The following TMTC3 variants were observed in gnomAD, a reference collection of about 807,000 sequenced individuals.
TMTC3 encodes transmembrane O-mannosyltransferase targeting cadherins 3.
In TMTC3, 52 loss-of-function variants were observed where a neutral mutation model predicts 92.2. The observed-to-expected ratio is 0.56, with a 90% CI of 0.45 to 0.71. The LOEUF (loss-of-function observed/expected upper bound fraction) is 0.71. TMTC3 is among the 30% of genes least tolerant of loss of function. The pLI, the probability that TMTC3 is intolerant of heterozygous loss-of-function variation, is 0.00. For missense variants in TMTC3, 896 were observed against 1,057.1 expected (o/e 0.85, Z 2.11); for synonymous variants, 339 against 363.3 (o/e 0.93, Z 0.76).
At chr12:88,190,126 A>T (rs527316254) in intron 11 of TMTC3, among the ~76,000 whole-genome samples, 2 of 152,332 alleles carry the variant, frequency 1.3e-5, no homozygotes, top group Admixed American at 1.3e-4. Context: ...AAAAATGTGA[A>T]TAAAAATATT....
intron 4 of TMTC3, among the ~76,000 whole-genome samples, chr12:88,157,420 T>C (rs963545879): frequency 6.6e-6 from 1 of 152,006 alleles, no homozygotes; most frequent in South Asian, 2.1e-4. Flanking sequence ...TTTGTAAATA[T>C]GGTGATCCAA....
intron 2 of TMTC3, among the ~76,000 whole-genome samples, chr12:88,150,373 C>T (rs1161460524): frequency 6.6e-6 from 1 of 152,160 alleles, no homozygotes; most frequent in South Asian, 2.1e-4. Context: ...CCAATCATTT[C>T]CCACCAGGCC....
chr12:88,180,933 A>G (rs571310858), intron 10 of TMTC3, among the ~76,000 whole-genome samples: 104 of 152,330 alleles, frequency 6.8e-4, no homozygotes, highest in Admixed American at 6.1e-3. Context: ...TTAAAAATTA[A>G]GGGTAAATAA....
At chr12:88,173,843 G>C (rs983538949) in intron 8 of TMTC3, among the ~76,000 whole-genome samples, 1 of 152,016 alleles carries the variant, frequency 6.6e-6, no homozygotes, top group Admixed American at 6.6e-5. Flanking sequence ...AGCCATATAG[G>C]TTATCCAAGA....
At chr12:88,159,308 A>G (rs751434728) in intron 4 of TMTC3, among the ~76,000 whole-genome samples, 1 of 152,208 alleles carries the variant, frequency 6.6e-6, no homozygotes, top group Non-Finnish European at 1.5e-5. Context: ...AATAGAACTT[A>G]TAGTCTATTG....
chr12:88,149,166 T>C (rs1592721337), intron 2 of TMTC3, among the ~76,000 whole-genome samples: 1 of 152,300 alleles, frequency 6.6e-6, no homozygotes, highest in East Asian at 1.9e-4. Flanking sequence ...ATAATAGTTA[T>C]TTAGGTTATA....
At chr12:88,190,716 T>G in intron 12 of TMTC3, 94 bp downstream of exon 12, 1 of 1,365,912 alleles carries the variant, frequency 7.3e-7, no homozygotes, top group Non-Finnish European at 1.0e-6. Flanking sequence ...GAAAAAAAAT[T>G]ATGTTTTTAA....
intron 11 of TMTC3, among the ~76,000 whole-genome samples, chr12:88,189,493 G>A (rs565230616): frequency 7.2e-5 from 11 of 152,224 alleles, no homozygotes; most frequent in African/African-American, 2.6e-4. Flanking sequence ...TTATCAGCAA[G>A]TTAATGACTT....
chr12:88,196,479 A>C lies in TMTC3; in HGVS notation c.*830A>C, dbSNP rs2041514286. The C allele has an allele frequency of 6.6e-6, 1 of 152,042 alleles. No individual in the cohort carries two copies. Among genetic ancestry groups the C allele is most frequent in the South Asian group, 2.1e-4 (1 of 4,830 alleles). The allele number at this position is 152,042 out of a possible 1,614,324, so 9.4% of individuals were successfully genotyped here. ...CATTGAGAAGTCCCAATAACTCTAA[A>C]CTTTTGAGTTATAACGTAGTAAACT... On this transcript the variant is annotated 3_prime_UTR_variant, in exon 14 of 14. Coordinates refer to ENST00000266712, the MANE Select transcript of TMTC3 (RefSeq NM_181783.4).
intron 1 of TMTC3, among the ~76,000 whole-genome samples, chr12:88,143,569 C>T (rs2040819664): frequency 6.6e-6 from 1 of 152,200 alleles, no homozygotes; most frequent in African/African-American, 2.4e-5. Flanking sequence ...CCTCCTCAGA[C>T]ATTCTGGGAA....
At chr12:88,187,828 TA>T (rs1439782514) in intron 10 of TMTC3, among the ~76,000 whole-genome samples, 1 of 152,232 alleles carries the variant, frequency 6.6e-6, no homozygotes, top group Non-Finnish European at 1.5e-5. Context: ...CCTTTTCATG[TA>T]TTTTAGTTCG....
chr12:88,192,420 C>T (rs1340649484), intron 12 of TMTC3, among the ~76,000 whole-genome samples, 184 bp from the exon 13 acceptor site: 9 of 151,974 alleles, frequency 5.9e-5, no homozygotes, highest in Non-Finnish European at 1.3e-4. Flanking sequence ...GCCAAATATA[C>T]TGAACTAAGG....
intron 13 of TMTC3, 80 bp downstream of exon 13, chr12:88,192,910 A>G (rs2041460805): frequency 1.5e-5 from 18 of 1,162,044 alleles, no homozygotes; most frequent in Admixed American, 2.5e-5. Flanking sequence ...TTTATTACCC[A>G]TAGCAAACAC....
chr12:88,162,804 A>T (rs1334075454), intron 6 of TMTC3, among the ~76,000 whole-genome samples: 1 of 152,196 alleles, frequency 6.6e-6, no homozygotes, highest in Non-Finnish European at 1.5e-5. Flanking sequence ...TGTTGAACAG[A>T]TACCATTTGT....
intron 10 of TMTC3, among the ~76,000 whole-genome samples, chr12:88,185,781 G>A (rs2041371099): frequency 6.6e-6 from 1 of 151,974 alleles, no homozygotes; most frequent in Non-Finnish European, 1.5e-5. Flanking sequence ...AAATGCTTTT[G>A]TGCACCATTT....
rs757732631 is a variant in TMTC3, at chr12:88,195,672, G to A, written c.*23G>A. 47 of 1,547,864 alleles carry A rather than the reference G, an allele frequency of 3.0e-5. No individual in the cohort carries two copies. Among genetic ancestry groups the A allele is most frequent in the Admixed American group, 4.1e-5 (2 of 48,416 alleles). On this transcript the variant is annotated 3_prime_UTR_variant, in exon 14 of 14. Coordinates refer to ENST00000266712, the MANE Select transcript of TMTC3 (RefSeq NM_181783.4). ...TAACATTAATATTTATCGTGACAAT[G>A]GTATCAAAGAACATCAATCCGTATC...
intron 10 of TMTC3, among the ~76,000 whole-genome samples, chr12:88,181,541 A>G (rs953575530): frequency 2.6e-5 from 4 of 152,224 alleles, no homozygotes; most frequent in Middle Eastern, 6.8e-3. Flanking sequence ...GTTCATTGCC[A>G]TAAGCCAGTG....
rs965304115 is a variant in TMTC3, at chr12:88,198,983, A to G, written c.*3334A>G. Reference sequence around the variant, plus strand: ...TTTTATATTACTATGGTATCTGTGTACCATATTTCTAAGTATTCATTATTA... The same window carrying G: ...TTTTATATTACTATGGTATCTGTGTGCCATATTTCTAAGTATTCATTATTA... On this transcript the variant is annotated 3_prime_UTR_variant, in exon 14 of 14. Transcript: ENST00000266712. The G allele has an allele frequency of 6.6e-6, 1 of 152,106 alleles. No homozygotes were observed. Among genetic ancestry groups the G allele is most frequent in the African/African-American group, 2.4e-5 (1 of 41,454 alleles). The allele number at this position is 152,106 out of a possible 1,614,324, so 9.4% of individuals were successfully genotyped here.
rs930822582 is a variant in TMTC3 at position 88,199,130 on chromosome 12, A to AAGAC, written c.*3483_*3486dup. 2.0e-5 allele frequency: 3 copies of AAGAC among 152,074 alleles called. No individual in the cohort carries two copies. The highest frequency in any genetic ancestry group is 7.2e-5 in the African/African-American group (3 of 41,432). The allele number at this position is 152,074 out of a possible 1,614,324, so 9.4% of individuals were successfully genotyped here. ...GTAATTTATTAGCAGTGATCTGAGA[A>AAGAC]AGACATTAAATAAGTTTCTGAGAGT... On this transcript the variant is annotated 3_prime_UTR_variant, in exon 14 of 14. Transcript: ENST00000266712.
Sources: allele counts gnomAD v4.1 joint callset (sites outside exome capture counted in the v4.1 genomes callset), GRCh38; gene constraint gnomAD v4.1.1; transcripts MANE v1.5; gene names NCBI Gene and HGNC (gene_info 2026-07-23, HGNC 2026-07-21).